CNTNAP5: variants seen among roughly 807,000 people sequenced by gnomAD.
The protein encoded by CNTNAP5 is contactin associated protein family member 5.
CNTNAP5 carries 72 observed loss-of-function variants against 150.2 expected under a neutral mutation model. The ratio of observed to expected loss-of-function variants is 0.48; its 90% confidence interval spans 0.40 to 0.58. CNTNAP5 has a LOEUF of 0.58. CNTNAP5 is among the 20% of genes least tolerant of loss of function. The pLI, the probability that CNTNAP5 is intolerant of heterozygous loss-of-function variation, is 0.00. For synonymous variants in CNTNAP5, 672 were observed against 619.8 expected, an observed-to-expected ratio of 1.08 and a Z score of -1.25; for missense variants, 1,636 against 1,626.2, an observed-to-expected ratio of 1.01 and a Z score of -0.10.
chr2:124,480,487 G>A (rs998233993), intron 7 of CNTNAP5, among the ~76,000 whole-genome samples: 44 of 152,242 alleles, frequency 2.9e-4, no homozygotes, highest in African/African-American at 1.0e-3. Context: ...GGGTGGACAT[G>A]AGAGCACACA....
intron 3 of CNTNAP5, among the ~76,000 whole-genome samples, chr2:124,316,307 T>C (rs1177084494): frequency 3.3e-5 from 5 of 152,184 alleles, no homozygotes; most frequent in Non-Finnish European, 7.3e-5. Context: ...GACCTGAATA[T>C]GATTCCAAGC....
chr2:124,291,356 C>A (rs546337455), intron 3 of CNTNAP5, among the ~76,000 whole-genome samples: 3 of 152,144 alleles, frequency 2.0e-5, no homozygotes, highest in South Asian at 4.2e-4. Flanking sequence ...ATGATACCTT[C>A]TTCATTCTAT....
Position 124,647,972 on chromosome 2 carries a change from A to G in CNTNAP5, c.2077+14A>G, listed in dbSNP as rs904403553. ...TCAACACGCCGGGTAAGGCCTCTGC[A>G]TGCATGACCACAGTGGGATAGATGG... is the stretch of plus-strand genomic sequence containing the variant. On this transcript the variant is annotated intron_variant, in intron 13 of 23. Coordinates refer to ENST00000682447, the MANE Select transcript of CNTNAP5 (RefSeq NM_001367498.1). The G allele has an allele frequency of 6.3e-7, 1 of 1,580,932 alleles. No homozygotes were observed. Among genetic ancestry groups the G allele is most frequent in the Non-Finnish European group, 8.6e-7 (1 of 1,163,364 alleles).
intron 1 of CNTNAP5, among the ~76,000 whole-genome samples, chr2:124,032,893 T>C (rs1681102052): frequency 2.0e-5 from 3 of 152,188 alleles, no homozygotes; most frequent in African/African-American, 7.2e-5. Context: ...CATCTTCTAG[T>C]CTGTAAATTA....
chr2:124,161,223 GA>G (rs2104649029), intron 1 of CNTNAP5, among the ~76,000 whole-genome samples: 1 of 152,260 alleles, frequency 6.6e-6, no homozygotes, highest in South Asian at 2.1e-4. Flanking sequence ...GGGTGAGATA[GA>G]TGAAAGTATG....
At chr2:124,575,297 GT>G (rs1371468265) in intron 11 of CNTNAP5, among the ~76,000 whole-genome samples, 1 of 152,180 alleles carries the variant, frequency 6.6e-6, no homozygotes, top group Non-Finnish European at 1.5e-5. Flanking sequence ...TTAAAATATA[GT>G]TTCTGTTGTT....
chr2:124,809,893 G>T (rs1454337643), intron 19 of CNTNAP5, among the ~76,000 whole-genome samples: 1 of 152,066 alleles, frequency 6.6e-6, no homozygotes, highest in African/African-American at 2.4e-5. Flanking sequence ...ACAGTGCATA[G>T]AAAACGGCAC....
intron 10 of CNTNAP5, among the ~76,000 whole-genome samples, chr2:124,557,381 C>G (rs1695782699): frequency 6.6e-6 from 1 of 151,970 alleles, no homozygotes; most frequent in Non-Finnish European, 1.5e-5. Context: ...TCCTACTGAG[C>G]TCTGATTGTG....
intron 9 of CNTNAP5, 144 bp downstream of exon 9, chr2:124,524,596 A>T: frequency 1.4e-6 from 1 of 736,104 alleles, no homozygotes; most frequent in Non-Finnish European, 2.2e-6. Flanking sequence ...ATACACACAC[A>T]CCCTCAATCT....
intron 7 of CNTNAP5, among the ~76,000 whole-genome samples, chr2:124,491,193 A>G (rs1694015834): frequency 6.6e-6 from 1 of 152,034 alleles, no homozygotes; most frequent in Admixed American, 6.6e-5. Flanking sequence ...GAAAGTTTGT[A>G]CCCTTTGATT....
At chr2:124,860,849 C>T (rs989627056) in intron 19 of CNTNAP5, among the ~76,000 whole-genome samples, 10 of 151,942 alleles carry the variant, frequency 6.6e-5, no homozygotes, top group Non-Finnish European at 1.5e-4. Context: ...ATGGGAGAGT[C>T]AACCTAATGA....
intron 21 of CNTNAP5, among the ~76,000 whole-genome samples, chr2:124,893,509 G>A (rs1678242028): frequency 6.6e-6 from 1 of 152,068 alleles, no homozygotes; most frequent in Non-Finnish European, 1.5e-5. Flanking sequence ...GCTACTGTAT[G>A]CCATTTCTCT....
intron 19 of CNTNAP5, among the ~76,000 whole-genome samples, chr2:124,853,386 A>G (rs1007042376): frequency 2.0e-5 from 3 of 152,128 alleles, no homozygotes; most frequent in Admixed American, 2.0e-4. Context: ...TCTTTCTTTA[A>G]CATTTCATTC....
intron 13 of CNTNAP5, among the ~76,000 whole-genome samples, chr2:124,731,302 G>A (rs769834466): frequency 5.3e-4 from 80 of 151,828 alleles, no homozygotes; most frequent in Non-Finnish European, 9.9e-4. Context: ...ATGCATGTAG[G>A]TATTTATTTA....
chr2:124,784,360 T>C (rs1048450476), intron 17 of CNTNAP5, among the ~76,000 whole-genome samples: 1 of 152,178 alleles, frequency 6.6e-6, no homozygotes, highest in Admixed American at 6.5e-5. Context: ...TAAAAGGAAC[T>C]GAGATGCTTC....
intron 21 of CNTNAP5, among the ~76,000 whole-genome samples, chr2:124,890,848 A>G (rs892431909): frequency 6.6e-6 from 1 of 152,140 alleles, no homozygotes; most frequent in Admixed American, 6.6e-5. Context: ...TGGTAAGTGT[A>G]TAGAGACATA....
chr2:124,820,958 C>G (rs965940843), intron 19 of CNTNAP5, among the ~76,000 whole-genome samples: 2 of 152,164 alleles, frequency 1.3e-5, no homozygotes, highest in Admixed American at 6.5e-5. Flanking sequence ...AAAGAGTGAA[C>G]AAACTTGTGG....
rs369245750 is a variant in CNTNAP5 at position 124,473,152 on chromosome 2, G to T, written c.919-1587G>T. Among the ~76,000 whole-genome samples, 35 of 151,986 alleles carry T rather than the reference G, an allele frequency of 2.3e-4. 1 individual carries two copies. The East Asian group carries it at 5.2e-3, about 23-fold the overall frequency. Reference sequence around the variant, plus strand: ...AATTTTTGAAATCATGAAATTCATAGAAATTAATTTAATGATGGGTATGAA... The same window carrying T: ...AATTTTTGAAATCATGAAATTCATATAAATTAATTTAATGATGGGTATGAA... On this transcript the variant is annotated intron_variant, in intron 6 of 23. Coordinates refer to ENST00000682447, the MANE Select transcript of CNTNAP5 (RefSeq NM_001367498.1).
At chr2:124,871,281 C>CTTACTTATTTATTTATTTAT (rs1462116273) in intron 21 of CNTNAP5, among the ~76,000 whole-genome samples, 2 of 151,096 alleles carry the variant, frequency 1.3e-5, no homozygotes, top group African/African-American at 4.9e-5. Flanking sequence ...TATTTACTTA[C>CTTACTTATTTATTTATTTAT]TTATTTATTT....
Sources: gnomAD v4.1 joint callset for allele counts (sites outside exome capture counted in the v4.1 genomes callset) on GRCh38, gnomAD v4.1.1 for gene constraint, MANE v1.5 for transcripts, NCBI Gene and HGNC (gene_info 2026-07-23, HGNC 2026-07-21) for gene names.